Variants in NTM observed in about 807,000 individuals in gnomAD.
NTM encodes IgLON family member 2.
A neutral mutation model predicts 42.1 loss-of-function variants in NTM; 13 were observed. That is an observed-to-expected ratio of 0.31 (90% confidence interval 0.20 to 0.49). The LOEUF is 0.49. NTM is among the 20% of genes least tolerant of loss of function. NTM has a pLI of 0.99. For missense variants in NTM, 373 were observed against 452.8 expected, an observed-to-expected ratio of 0.82 and a Z score of 1.60; for synonymous variants, 187 against 179.2, an observed-to-expected ratio of 1.04 and a Z score of -0.35.
chr11:131,953,003 CTTGT>C (rs933951509), intron 2 of NTM, among the ~76,000 whole-genome samples: 42 of 152,254 alleles, frequency 2.8e-4, no homozygotes, highest in African/African-American at 1.0e-3. Context: ...TACACACTAA[CTTGT>C]TTGTTTGGTG....
chr11:132,231,863 T>TG (rs2087638494), intron 4 of NTM, among the ~76,000 whole-genome samples: 1 of 39,460 alleles, frequency 2.5e-5, no homozygotes, highest in Non-Finnish European at 5.0e-5. Flanking sequence ...TCATTTGATA[T>TG]TAAACATCAG....
chr11:131,502,654 T>C (rs380593), intron 1 of NTM: 84,725 of 152,058 alleles, frequency 0.56, 25,820 homozygotes, highest in African/African-American at 0.82. Flanking sequence ...TATCGCTCAT[T>C]GCCTGCTCAC....
chr11:131,642,727 C>A (rs1447100262), intron 1 of NTM, among the ~76,000 whole-genome samples: 2 of 152,178 alleles, frequency 1.3e-5, no homozygotes, highest in Non-Finnish European at 2.9e-5. Flanking sequence ...CTTGACCTTT[C>A]TGAAAGATGG....
At chr11:131,389,039 G>GAAAAGAAAAT (rs1431436825) in intron 1 of NTM, among the ~76,000 whole-genome samples, 8 of 148,334 alleles carry the variant, frequency 5.4e-5, no homozygotes, top group Non-Finnish European at 1.0e-4. Flanking sequence ...GAAAAGAAAA[G>GAAAAGAAAAT]AAAAGAAAAG....
Position 131,808,738 on chromosome 11 carries a change from TC to T in NTM, c.83-102825del, listed in dbSNP as rs557593681. 1.6e-3 allele frequency among the ~76,000 whole-genome samples: 250 copies of T among 152,220 alleles called. 3 individuals carry two copies. Among genetic ancestry groups the T allele is most frequent in the African/African-American group, 5.6e-3 (234 of 41,526 alleles). On this transcript the variant is annotated intron_variant, in intron 1 of 8. Coordinates refer to ENST00000683400, the MANE Select transcript of NTM (RefSeq NM_001352005.2). The stretch of plus-strand genomic sequence containing the variant: ...GCACGTGCAAAGCTTTGACAAGTCA[TC>T]ACTGAGAAGCAGCACAAATAGGAGG...
intron 3 of NTM, among the ~76,000 whole-genome samples, chr11:132,208,825 T>C (rs1477799076): frequency 6.6e-6 from 1 of 152,210 alleles, no homozygotes; most frequent in Non-Finnish European, 1.5e-5. Flanking sequence ...TTTTATTTTA[T>C]TGCATGGCAT....
chr11:132,176,137 A>G (rs1273272988), intron 3 of NTM, among the ~76,000 whole-genome samples: 1 of 152,190 alleles, frequency 6.6e-6, no homozygotes, highest in Non-Finnish European at 1.5e-5. Context: ...AGTTAAGTGT[A>G]ACTGTATGTG....
intron 7 of NTM, among the ~76,000 whole-genome samples, chr11:132,325,371 C>G (rs1356739732): frequency 1.3e-5 from 2 of 152,226 alleles, no homozygotes; most frequent in Non-Finnish European, 2.9e-5. Context: ...TGAACAGACA[C>G]TTCTCAAAAG....
intron 1 of NTM, among the ~76,000 whole-genome samples, chr11:131,648,927 A>G (rs1260782148): frequency 1.3e-5 from 2 of 152,218 alleles, no homozygotes; most frequent in Non-Finnish European, 2.9e-5. Flanking sequence ...AAGAATAAAA[A>G]CCACCCAGGG....
chr11:131,605,152 T>TA (rs2060837140), intron 1 of NTM, among the ~76,000 whole-genome samples: 1 of 152,164 alleles, frequency 6.6e-6, no homozygotes, highest in Non-Finnish European at 1.5e-5. Context: ...TCAATACATT[T>TA]AGAAGTTCAA....
intron 2 of NTM, among the ~76,000 whole-genome samples, chr11:132,011,202 C>G (rs1488920692): frequency 6.7e-6 from 1 of 150,064 alleles, no homozygotes; most frequent in Non-Finnish European, 1.5e-5. Flanking sequence ...AGTGAAAATT[C>G]TACTTGATAT....
At chr11:131,728,748 C>A (rs1448417201) in intron 1 of NTM, among the ~76,000 whole-genome samples, 1 of 149,512 alleles carries the variant, frequency 6.7e-6, no homozygotes, top group Non-Finnish European at 1.5e-5. Context: ...TAACCTTGAG[C>A]CCCTCTGTCC....
chr11:131,868,296 C>T (rs982867634), intron 1 of NTM, among the ~76,000 whole-genome samples: 3 of 152,104 alleles, frequency 2.0e-5, no homozygotes, highest in African/African-American at 4.8e-5. Context: ...CCCAGTCTTT[C>T]GTATCAAAAC....
intron 1 of NTM, among the ~76,000 whole-genome samples, chr11:131,528,016 A>G (rs414778): frequency 0.32 from 48,712 of 152,066 alleles, 8,941 homozygotes; most frequent in African/African-American, 0.51. Context: ...TGACCCTTCA[A>G]GTTTTCAGAT....
At chr11:132,272,671 ATTGT>A (rs2093538777) in intron 4 of NTM, among the ~76,000 whole-genome samples, 1 of 152,036 alleles carries the variant, frequency 6.6e-6, no homozygotes, top group South Asian at 2.1e-4. Context: ...TCATTTTTAG[ATTGT>A]TTATTGAAAA....
intron 6 of NTM, among the ~76,000 whole-genome samples, chr11:132,311,422 A>G (rs1306900107): frequency 1.3e-5 from 2 of 152,210 alleles, no homozygotes; most frequent in African/African-American, 2.4e-5. Context: ...CCCATTTTAC[A>G]GATGAAAGAA....
chr11:131,412,832 C>A (rs1463587258), intron 1 of NTM, among the ~76,000 whole-genome samples: 1 of 151,902 alleles, frequency 6.6e-6, no homozygotes, highest in African/African-American at 2.4e-5. Context: ...GTTTCTTAAT[C>A]ATCACTAATA....
intron 4 of NTM, among the ~76,000 whole-genome samples, chr11:132,222,658 A>G (rs1196757619): frequency 6.6e-6 from 1 of 152,184 alleles, no homozygotes; most frequent in African/African-American, 2.4e-5. Flanking sequence ...CTTTTGCACT[A>G]GAACCCGGAG....
At chr11:131,536,740 T>G (rs1292749143) in intron 1 of NTM, 1 of 152,168 alleles carries the variant, frequency 6.6e-6, no homozygotes. Flanking sequence ...CGCTAAATAG[T>G]GAGACAGAGG....
Sources: gnomAD v4.1 joint callset for allele counts (sites outside exome capture counted in the v4.1 genomes callset) on GRCh38, gnomAD v4.1.1 for gene constraint, MANE v1.5 for transcripts, NCBI Gene and HGNC (gene_info 2026-07-23, HGNC 2026-07-21) for gene names.